PDGFD: variants seen among roughly 807,000 people sequenced by gnomAD.
PDGFD encodes platelet-derived growth factor D.
Under a neutral mutation model 44.7 loss-of-function variants are expected in PDGFD, and 30 were observed. The observed-to-expected ratio is 0.67, with a 90% CI of 0.50 to 0.91. PDGFD has a LOEUF of 0.91. Among genes scored for constraint, PDGFD ranks in the 40% least tolerant of loss-of-function variants. The probability of loss-of-function intolerance (pLI) is 0.00; values close to 1 mark genes in which losing one functional copy is unlikely to be tolerated. For synonymous variants in PDGFD, 173 were observed against 168.4 expected (o/e 1.03, Z -0.21); for missense variants, 445 against 457.8 (o/e 0.97, Z 0.25).
At chr11:103,947,173 T>C (rs772975361) in intron 4 of PDGFD, among the ~76,000 whole-genome samples, 19 of 152,208 alleles carry the variant, frequency 1.2e-4, no homozygotes, top group Non-Finnish European at 2.1e-4. Flanking sequence ...GTGAGTTATG[T>C]TTTATATCCA....
intron 1 of PDGFD, among the ~76,000 whole-genome samples, chr11:104,016,323 C>T (rs1397239778): frequency 1.3e-5 from 2 of 152,208 alleles, no homozygotes; most frequent in Non-Finnish European, 2.9e-5. Flanking sequence ...TCAGCTATCT[C>T]TCCCTCGCAG....
At position 104,113,753 on chromosome 11, in the gene PDGFD, T is replaced by C. The variant is rs1861594145; in HGVS notation, c.124+50051A>G. 2.0e-5 allele frequency among the ~76,000 whole-genome samples: 3 copies of C among 152,126 alleles called. No individual in the cohort carries two copies. In the South Asian group the frequency reaches 6.2e-4, roughly 31 times the overall value. ...TCCTACCAGCTATAATGAAAGTTCC[T>C]GTTGCTCCACATTCTTGTCAGCATT... On this transcript the variant is annotated intron_variant, in intron 1 of 6. Transcript: ENST00000393158.
chr11:104,153,404 T>C (rs1012161685), intron 1 of PDGFD, among the ~76,000 whole-genome samples: 1 of 152,154 alleles, frequency 6.6e-6, no homozygotes, highest in Non-Finnish European at 1.5e-5. Context: ...TAAATCTATA[T>C]CTGCAGATGT....
intron 1 of PDGFD, among the ~76,000 whole-genome samples, chr11:104,102,726 C>A (rs181027794): frequency 6.6e-6 from 1 of 152,154 alleles, no homozygotes; most frequent in South Asian, 2.1e-4. Context: ...GGCACATATA[C>A]GCCGTGGAAT....
intron 1 of PDGFD, among the ~76,000 whole-genome samples, chr11:104,097,279 C>T (rs930884025): frequency 2.0e-5 from 3 of 152,122 alleles, no homozygotes; most frequent in African/African-American, 7.2e-5. Context: ...GTTCATATAT[C>T]GATAGATTTT....
intron 6 of PDGFD, among the ~76,000 whole-genome samples, chr11:103,922,649 A>C (rs1350555745): frequency 1.3e-5 from 2 of 152,154 alleles, no homozygotes; most frequent in African/African-American, 2.4e-5. Flanking sequence ...TCCTGGGCTC[A>C]AGCAATTCTC....
intron 1 of PDGFD, among the ~76,000 whole-genome samples, chr11:104,120,385 C>T (rs1045892225): frequency 1.3e-5 from 2 of 151,714 alleles, no homozygotes; most frequent in African/African-American, 4.8e-5. Context: ...TTTAAAATTC[C>T]TAGTTAATCC....
intron 1 of PDGFD, among the ~76,000 whole-genome samples, chr11:104,098,995 G>A (rs989846272): frequency 1.3e-5 from 2 of 152,118 alleles, no homozygotes; most frequent in Admixed American, 6.6e-5. Flanking sequence ...TAAAGCAGCA[G>A]GAAGACACTA....
At chr11:104,137,188 T>G (rs758975680) in intron 1 of PDGFD, among the ~76,000 whole-genome samples, 1 of 152,202 alleles carries the variant, frequency 6.6e-6, no homozygotes, top group Non-Finnish European at 1.5e-5. Context: ...ATCTTTCTGT[T>G]GTTTAGAATT....
intron 3 of PDGFD, among the ~76,000 whole-genome samples, chr11:103,959,111 T>C (rs1450889031): frequency 6.6e-6 from 1 of 152,164 alleles, no homozygotes; most frequent in Non-Finnish European, 1.5e-5. Context: ...AGTTGTAAAG[T>C]ATTAAAAAAG....
chr11:104,102,829 C>G, intron 1 of PDGFD, among the ~76,000 whole-genome samples: 1 of 151,900 alleles, frequency 6.6e-6, no homozygotes, highest in East Asian at 1.9e-4. Flanking sequence ...ACTGCAAGGA[C>G]AAAAAACCAA....
intron 1 of PDGFD, among the ~76,000 whole-genome samples, chr11:104,025,290 A>AACC (rs1454718564): frequency 7.2e-5 from 11 of 152,252 alleles, no homozygotes; most frequent in African/African-American, 2.7e-4. Flanking sequence ...ACCAAAATGG[A>AACC]ACCTTGACCC....
At chr11:104,058,026 A>G (rs361322) in intron 1 of PDGFD, among the ~76,000 whole-genome samples, 151,713 of 152,284 alleles carry the variant, frequency 1, 75,576 homozygotes, top group Middle Eastern at 1. Flanking sequence ...AACTCAAAAC[A>G]GATCATAGAC....
chr11:103,992,383 T>A (rs1859469999), intron 3 of PDGFD, among the ~76,000 whole-genome samples: 1 of 152,248 alleles, frequency 6.6e-6, no homozygotes, highest in African/African-American at 2.4e-5. Flanking sequence ...TTTGTGATGG[T>A]AAAAGGTAGA....
intron 3 of PDGFD, among the ~76,000 whole-genome samples, chr11:103,954,135 G>T (rs1258738737): frequency 6.6e-6 from 1 of 152,132 alleles, no homozygotes; most frequent in Non-Finnish European, 1.5e-5. Flanking sequence ...TTTCAGAAAG[G>T]GTTTCTCCAG....
intron 1 of PDGFD, among the ~76,000 whole-genome samples, chr11:104,002,189 G>T (rs959307566): frequency 6.6e-6 from 1 of 152,152 alleles, no homozygotes; most frequent in Admixed American, 6.5e-5. Flanking sequence ...TTAAAGATCA[G>T]CTGCGAAAAC....
At chr11:104,006,694 G>A (rs554485907) in intron 1 of PDGFD, among the ~76,000 whole-genome samples, 61 of 152,330 alleles carry the variant, frequency 4.0e-4, no homozygotes, top group African/African-American at 1.3e-3. Flanking sequence ...GCAGAGAGAA[G>A]AGAAGGAGCA....
Position 104,001,638 on chromosome 11 carries a change from C to T in PDGFD, c.125-1383G>A, listed in dbSNP as rs143405855. Among the ~76,000 whole-genome samples the T allele has an allele frequency of 2.4e-3, 370 of 152,278 alleles. 1 individual carries two copies. The highest frequency in any genetic ancestry group is 4.1e-3 in the Non-Finnish European group (278 of 68,020). ...TCAGAATTGCATCATACAGTGGATC[C>T]CCTTTTCATCTCTCTCAATATTCAG... On this transcript the variant is annotated intron_variant, in intron 1 of 6. Coordinates refer to ENST00000393158, the MANE Select transcript of PDGFD (RefSeq NM_025208.5).
chr11:104,142,384 C>G (rs185519594), intron 1 of PDGFD, among the ~76,000 whole-genome samples: 1 of 151,832 alleles, frequency 6.6e-6, no homozygotes, highest in Middle Eastern at 3.2e-3. Flanking sequence ...TATACTCACA[C>G]ACAAATACAA....
Sources: allele counts gnomAD v4.1 joint callset (sites outside exome capture counted in the v4.1 genomes callset), GRCh38; gene constraint gnomAD v4.1.1; transcripts MANE v1.5; gene names NCBI Gene and HGNC (gene_info 2026-07-23, HGNC 2026-07-21).